RNMT: variants seen among roughly 807,000 people sequenced by gnomAD.
RNMT encodes the protein RNA guanine-7 methyltransferase, also known as mRNA cap guanine-N(7) methyltransferase.
Under a neutral mutation model 56.0 loss-of-function variants are expected in RNMT, and 27 were observed. That is an observed-to-expected ratio of 0.48 (90% confidence interval 0.36 to 0.67). RNMT has a LOEUF of 0.67. Among genes scored for constraint, RNMT ranks in the 30% least tolerant of loss-of-function variants. The pLI, the probability that RNMT is intolerant of heterozygous loss-of-function variation, is 0.00. For missense variants in RNMT, 519 were observed against 552.1 expected (o/e 0.94, Z 0.60); for synonymous variants, 184 against 176.2 (o/e 1.04, Z -0.35).
intron 9 of RNMT, among the ~76,000 whole-genome samples, chr18:13,746,857 A>T (rs2044360341): frequency 6.6e-6 from 1 of 152,216 alleles, no homozygotes; most frequent in Non-Finnish European, 1.5e-5. Context: ...GACAAGCTCA[A>T]ACCATACATA....
rs1602005259 is a variant in RNMT, at chr18:13,736,999, C to T, written c.554-11C>T. ...AGAGGTAGTTTATTGTGACTGATTT[C>T]TCTCTTTTAGGAGAATTTTTGGAAA... is the stretch of plus-strand genomic sequence containing the variant. On this transcript the variant is annotated splice_polypyrimidine_tract_variant and intron_variant, in intron 4 of 11. Transcript: ENST00000383314. 6.2e-7 allele frequency: 1 copy of T among 1,609,456 alleles called. No individual in the cohort carries two copies. The highest frequency in any genetic ancestry group is 8.5e-7 in the Non-Finnish European group (1 of 1,177,808).
rs1313935398 is a variant in RNMT, at chr18:13,731,804, G to A, written c.287G>A (p.Gly96Asp). ...ATTGTCCCAGAGGAAAAAGATTGTGGTGATGCTGAAGGCAATTCAAAGAAA... is the reference window on the plus strand; with the variant it reads ...ATTGTCCCAGAGGAAAAAGATTGTGATGATGCTGAAGGCAATTCAAAGAAA... ...PEIVPEEKDC[G>D]DAEGNSKKRK... Residue 96 changes from glycine (G) to aspartate (D), a missense_variant, in exon 3 of 12, where the codon GGT becomes GAT. By Grantham distance (94) the Gly-to-Asp change is moderately conservative. Transcript: ENST00000383314. 25 of 1,613,584 alleles carry A rather than the reference G, an allele frequency of 1.5e-5. No homozygotes were observed. Among genetic ancestry groups the A allele is most frequent in the Non-Finnish European group, 2.1e-5 (25 of 1,179,950 alleles).
At chr18:13,734,223 A>G (rs1012568342) in intron 3 of RNMT, among the ~76,000 whole-genome samples, 2 of 152,170 alleles carry the variant, frequency 1.3e-5, no homozygotes, top group African/African-American at 4.8e-5. Context: ...CTTTTTGTTT[A>G]TAAATTACCC....
Position 13,731,680 on chromosome 18 carries a change from A to G in RNMT, c.163A>G (p.Ile55Val), listed in dbSNP as rs1218369029. 1.2e-6 allele frequency: 2 copies of G among 1,614,074 alleles called. No individual in the cohort carries two copies. The highest frequency in any genetic ancestry group is 2.2e-5 in the East Asian group (1 of 44,866). ...EKTSVCRQVD[I>V]ARKRKEFEDD... ...GACTTCTGTCTGTAGGCAAGTAGAC[A>G]TAGCAAGAAAGAGAAAAGAGTTTGA... The change falls in exon 3 of 12, where the codon ATA becomes GTA. Residue 55 changes from isoleucine to valine, a missense_variant. Coordinates refer to ENST00000383314, the MANE Select transcript of RNMT (RefSeq NM_003799.3).
intron 10 of RNMT, 91 bp downstream of exon 10, chr18:13,752,518 A>C: frequency 2.6e-6 from 2 of 772,742 alleles, no homozygotes; most frequent in Non-Finnish European, 4.2e-6. Flanking sequence ...CTTGTTTACA[A>C]TACTTAGGCT....
chr18:13,748,487 G>A (rs1329744338), intron 9 of RNMT, among the ~76,000 whole-genome samples: 1 of 152,192 alleles, frequency 6.6e-6, no homozygotes, highest in Non-Finnish European at 1.5e-5. Flanking sequence ...GGTGGAAAGA[G>A]CAGTCGGATG....
chr18:13,754,637 A>T (rs1377165909), intron 11 of RNMT, among the ~76,000 whole-genome samples: 5 of 152,250 alleles, frequency 3.3e-5, no homozygotes, highest in Admixed American at 2.6e-4. Context: ...CCAAGAGAAG[A>T]TACACTGTAC....
Position 13,760,091 on chromosome 18 carries a change from A to G in RNMT, c.*112A>G, listed in dbSNP as rs1253839646. 85 of 1,469,170 alleles carry G rather than the reference A, an allele frequency of 5.8e-5. No homozygotes were observed. The highest frequency in any genetic ancestry group is 7.3e-5 in the Non-Finnish European group (81 of 1,104,828). The allele number at this position is 1,469,170 out of a possible 1,614,324, so 91.0% of individuals were successfully genotyped here. ...CTGTTGATTTTAATTCTAAATGTGC[A>G]GGATGCTGCCAGAAACTCCAATGTA... On this transcript the variant is annotated 3_prime_UTR_variant, in exon 12 of 12. Transcript: ENST00000383314.
chr18:13,735,404 A>T (rs2044141750), intron 4 of RNMT, among the ~76,000 whole-genome samples: 3 of 152,124 alleles, frequency 2.0e-5, no homozygotes, highest in Admixed American at 2.0e-4. Context: ...ACACATTTTA[A>T]CATTTTGTAT....
chr18:13,729,849 G>C (rs774890701), intron 1 of RNMT, among the ~76,000 whole-genome samples: 2 of 151,560 alleles, frequency 1.3e-5, no homozygotes, highest in Non-Finnish European at 2.9e-5. Flanking sequence ...GTCTAGGCTG[G>C]AGTACAGTGG....
chr18:13,733,480 C>T (rs183276399), intron 3 of RNMT, among the ~76,000 whole-genome samples: 323 of 152,174 alleles, frequency 2.1e-3, no homozygotes, highest in African/African-American at 7.2e-3. Context: ...TGGGTTCAAG[C>T]GATTCTCCTG....
rs2044607738 is a variant in RNMT at position 13,760,620 on chromosome 18, G to T, written c.*641G>T. ...GCAGCATAGAATTTTGGAATTTTGG[G>T]GCTTTCTTTTCAGAAATTGCTACCA... On this transcript the variant is annotated 3_prime_UTR_variant, in exon 12 of 12. Transcript: ENST00000383314. The T allele has an allele frequency of 5.1e-6, 5 of 985,184 alleles. No homozygotes were observed. The highest frequency in any genetic ancestry group is 5.2e-4 in the Middle Eastern group (1 of 1,936). The allele number at this position is 985,184 out of a possible 1,614,324, so 61.0% of individuals were successfully genotyped here.
At chr18:13,733,158 G>T (rs1172648792) in intron 3 of RNMT, among the ~76,000 whole-genome samples, 1 of 152,032 alleles carries the variant, frequency 6.6e-6, no homozygotes, top group East Asian at 1.9e-4. Flanking sequence ...ACGTAAAATA[G>T]GTCAAGGATT....
chr18:13,727,103 G>C (rs763371594), intron 1 of RNMT, among the ~76,000 whole-genome samples: 6 of 152,228 alleles, frequency 3.9e-5, no homozygotes, highest in Admixed American at 6.5e-5. Context: ...AATGACGGAG[G>C]GGGTGAACTT....
At chr18:13,742,353 A>AG in intron 7 of RNMT, 135 bp from the exon 8 acceptor site, 1 of 688,184 alleles carries the variant, frequency 1.5e-6, no homozygotes, top group Non-Finnish European at 2.3e-6. Context: ...AAAAAAAAAA[A>AG]GGTAGCCCAG....
At chr18:13,743,223 T>C (rs192136019) in intron 8 of RNMT, 4,562 of 150,616 alleles carry the variant, frequency 0.03, 99 homozygotes, top group Middle Eastern at 0.072. Flanking sequence ...CTCGGGAGGC[T>C]GAGGCAGGAG....
intron 4 of RNMT, 56 bp from the exon 5 acceptor site, chr18:13,736,954 T>C: frequency 6.6e-7 from 1 of 1,517,210 alleles, no homozygotes; most frequent in Non-Finnish European, 9.1e-7. Context: ...TAACAGTTTA[T>C]ACTTCAGTAA....
At chr18:13,732,949 G>A (rs2044098104) in intron 3 of RNMT, among the ~76,000 whole-genome samples, 2 of 151,900 alleles carry the variant, frequency 1.3e-5, no homozygotes, top group Non-Finnish European at 2.9e-5. Context: ...TTTTAGTACA[G>A]ATGGGATTTC....
intron 1 of RNMT, among the ~76,000 whole-genome samples, chr18:13,729,163 G>A (rs1306422985): frequency 6.6e-6 from 1 of 152,146 alleles, no homozygotes; most frequent in African/African-American, 2.4e-5. Flanking sequence ...AGAGAGAGTG[G>A]TCTAGATTTC....
Sources: gnomAD v4.1 joint callset for allele counts (sites outside exome capture counted in the v4.1 genomes callset) on GRCh38, gnomAD v4.1.1 for gene constraint, MANE v1.5 for transcripts, NCBI Gene and HGNC (gene_info 2026-07-23, HGNC 2026-07-21) for gene names.